The following MAP3K6 variants were observed in gnomAD, a reference collection of about 807,000 sequenced individuals.
The protein encoded by MAP3K6 is apoptosis signal-regulating kinase 2.
In MAP3K6, 105 loss-of-function variants were observed where a neutral mutation model predicts 147.1. That is an observed-to-expected ratio of 0.71 (90% CI 0.61 to 0.84). The LOEUF (loss-of-function observed/expected upper bound fraction) is 0.84, where lower values mean the gene tolerates loss of function less well. Among genes scored for constraint, MAP3K6 ranks in the 40% least tolerant of loss-of-function variants. MAP3K6 has a pLI of 0.00. For missense variants in MAP3K6, 1,569 were observed against 1,715.0 expected, an observed-to-expected ratio of 0.91 and a Z score of 1.50; for synonymous variants, 695 against 732.4, an observed-to-expected ratio of 0.95 and a Z score of 0.82.
rs547643868 is a variant in MAP3K6 at position 27,359,051 on chromosome 1, C to T, written c.2426-185G>A. On this transcript the variant is annotated intron_variant, in intron 18 of 28. Transcript: ENST00000357582. This position sits in a 1 kb window ranked among gnomAD's most constrained non-coding sequence, Gnocchi z 4.4. ...GTTCCATCACCACCCTGGGCTCCAT[C>T]GCCTGCCAAGGCTTCCGTCATTCAT... 6.6e-6 allele frequency among the ~76,000 whole-genome samples: 1 copy of T among 152,264 alleles called. No individual in the cohort carries two copies. Among genetic ancestry groups the T allele is most frequent in the South Asian group, 2.1e-4 (1 of 4,824 alleles).
rs375818151 is a variant in MAP3K6 at position 27,357,704 on chromosome 1, C to A, written c.3081+7G>T. 2 of 1,609,440 alleles carry A rather than the reference C, an allele frequency of 1.2e-6. No individual in the cohort carries two copies. Among genetic ancestry groups the A allele is most frequent in the Admixed American group, 1.7e-5 (1 of 59,958 alleles). ...ACCACCAGGGGGCGCTAGAGTGGGC[C>A]GCCCACCTGCTCTTGCTTCTGCTCC... On this transcript the variant is annotated splice_region_variant and intron_variant, in intron 22 of 28. Transcript: ENST00000357582.
At position 27,360,253 on chromosome 1, in the gene MAP3K6, C is replaced by G; in HGVS notation, c.2170G>C (p.Glu724Gln). 6.2e-7 allele frequency: 1 copy of G among 1,614,102 alleles called. No individual in the cohort carries two copies. Among genetic ancestry groups the G allele is most frequent in the Non-Finnish European group, 8.5e-7 (1 of 1,179,988 alleles). ...ACAGGGCAGGTACCTCCAGGCACTTCCTCCATGAAGATCTTAAGGTAGCCG... is the reference window on the plus strand; with the variant it reads ...ACAGGGCAGGTACCTCCAGGCACTTGCTCCATGAAGATCTTAAGGTAGCCG... Reference protein sequence around the residue: ...QGGYLKIFMEEVPGGSLSSLL... With the variant: ...QGGYLKIFMEQVPGGSLSSLL... Residue 724 changes from glutamate to glutamine, a missense_variant, in exon 16 of 29, where the codon GAA becomes CAA. Glu to Gln is a conservative substitution (Grantham distance 29, BLOSUM62 2). Coordinates refer to ENST00000357582, the MANE Select transcript of MAP3K6 (RefSeq NM_004672.5). The surrounding 1 kb of genome is among the most constrained non-coding windows in gnomAD (Gnocchi z 4.5).
intron 5 of MAP3K6, 36 bp downstream of exon 5, chr1:27,363,881 G>T: frequency 6.6e-7 from 1 of 1,511,472 alleles, no homozygotes; most frequent in South Asian, 1.3e-5. Context: ...GACCTCAAAT[G>T]CCAGCTGCCC....
At chr1:27,365,639 A>G (rs1390593796) in intron 1 of MAP3K6, among the ~76,000 whole-genome samples, 1 of 104,152 alleles carries the variant, frequency 9.6e-6, no homozygotes, top group Non-Finnish European at 2.0e-5. Flanking sequence ...TTTCCCGCCC[A>G]CTTCCCCGCC....
Position 27,362,943 on chromosome 1 carries a change from G to T in MAP3K6, c.1050C>A (p.Pro350=), listed in dbSNP as rs143105495. 6.6e-4 allele frequency: 1,067 copies of T among 1,613,950 alleles called. No homozygotes were observed. The highest frequency in any genetic ancestry group is 8.5e-4 in the Non-Finnish European group (1,000 of 1,180,000). The part of the protein sequence containing the change: ...PLVQLEGSVA[P]DLYCMCGRIY... ...TACGGCCACACATGCAGTACAGATC[G>T]GGCGCCACAGAGCCCTCAAGCTGTA... Residue 350 remains proline, a synonymous_variant, in exon 7 of 29, where the codon CCC becomes CCA. Transcript: ENST00000357582.
intron 23 of MAP3K6, 93 bp from the exon 24 acceptor site, chr1:27,357,207 C>A (rs2015560636): frequency 1.5e-6 from 2 of 1,309,860 alleles, no homozygotes; most frequent in South Asian, 1.3e-5. Flanking sequence ...CGGCGGGAGG[C>A]GAGTGGGGTG....
chr1:27,356,823 G>A (rs773996945), intron 24 of MAP3K6, 74 bp from the exon 25 acceptor site: 3 of 1,506,104 alleles, frequency 2.0e-6, no homozygotes, highest in Non-Finnish European at 1.8e-6. Flanking sequence ...AAGTGCGGGG[G>A]TAGGGTGCCC....
rs2015766748 is a variant in MAP3K6 at position 27,361,452 on chromosome 1, G to A, written c.1687-57C>T. ...GCTGGTGACAGGAGAGGGGTCTGAG[G>A]ATGGGAGAAAGGCTCCACAGAAAAG... On this transcript the variant is annotated intron_variant, in intron 11 of 28. Transcript: ENST00000357582. 3.7e-6 allele frequency: 6 copies of A among 1,611,356 alleles called. No individual in the cohort carries two copies. In the East Asian group the frequency reaches 6.7e-5, roughly 18 times the overall value.
intron 22 of MAP3K6, 63 bp from the exon 23 acceptor site, chr1:27,357,639 T>A: frequency 6.3e-7 from 1 of 1,586,556 alleles, no homozygotes; most frequent in Non-Finnish European, 8.6e-7. Context: ...GCCGCGGAGG[T>A]AGGGGGCGGG....
chr1:27,357,669 A>G (rs1023239033), intron 22 of MAP3K6, 42 bp downstream of exon 22: 2 of 1,602,486 alleles, frequency 1.2e-6, no homozygotes, highest in Middle Eastern at 1.7e-4. Flanking sequence ...AGGTGTCCTG[A>G]CCCTTTGCGA....
Position 27,360,616 on chromosome 1 carries a change from G to A in MAP3K6, c.2054+89C>T, listed in dbSNP as rs1320484914. On this transcript the variant is annotated intron_variant, in intron 15 of 28. Transcript: ENST00000357582. The surrounding 1 kb of genome is among the most constrained non-coding windows in gnomAD (Gnocchi z 4.5). ...CAGGTCCTACGAGCCCGCCCACTAGGCCCCGCCCACAGGAGCCGCTCCGCT... is the reference window on the plus strand; with the variant it reads ...CAGGTCCTACGAGCCCGCCCACTAGACCCCGCCCACAGGAGCCGCTCCGCT... 1.3e-6 allele frequency: 2 copies of A among 1,498,348 alleles called. No individual in the cohort carries two copies. The highest frequency in any genetic ancestry group is 1.8e-6 in the Non-Finnish European group (2 of 1,125,676). 92.8% of individuals were successfully genotyped at this position (1,498,348 alleles called of 1,614,324 possible). A position where few individuals can be genotyped will look rare whatever the true frequency, so the allele number is the denominator to read the frequency against.
chr1:27,366,706 G>GA lies in MAP3K6; in HGVS notation c.-110dup. 1 of 835,448 alleles carries GA rather than the reference G, an allele frequency of 1.2e-6. No homozygotes were observed. The highest frequency in any genetic ancestry group is 1.4e-6 in the Non-Finnish European group (1 of 689,958). 51.8% of individuals were successfully genotyped at this position (835,448 alleles called of 1,614,324 possible). On this transcript the variant is annotated 5_prime_UTR_variant, in exon 1 of 29. Coordinates refer to ENST00000357582, the MANE Select transcript of MAP3K6 (RefSeq NM_004672.5). This position sits in a 1 kb window ranked among gnomAD's most constrained non-coding sequence, Gnocchi z 5.5. ...GATCTGGAATCCGTTCGGAATCGGA[G>GA]AATCTCCCACGGGATCTAGGGATCC...
intron 1 of MAP3K6, 98 bp from the exon 2 acceptor site, chr1:27,365,010 C>A: frequency 3.0e-6 from 4 of 1,320,420 alleles, no homozygotes; most frequent in Non-Finnish European, 4.1e-6. Flanking sequence ...CTGTGGGACT[C>A]CAGTAGGGTC....
chr1:27,361,441 A>G, intron 11 of MAP3K6, 46 bp from the exon 12 acceptor site: 1 of 1,611,538 alleles, frequency 6.2e-7, no homozygotes, highest in Non-Finnish European at 8.5e-7. Context: ...GTGACAGGAG[A>G]GGGGTCTGAG....
At chr1:27,357,625 C>T (rs777379458) in intron 22 of MAP3K6, 49 bp from the exon 23 acceptor site, 1 of 1,589,820 alleles carries the variant, frequency 6.3e-7, no homozygotes, top group South Asian at 1.1e-5. Context: ...CCAAAAGAGA[C>T]GCTGCCGCGG....
chr1:27,357,408 G>T lies in MAP3K6; in HGVS notation c.3250C>A (p.Pro1084Thr), dbSNP rs753079278. 1.3e-6 allele frequency: 2 copies of T among 1,590,314 alleles called. No individual in the cohort carries two copies. The highest frequency in any genetic ancestry group is 1.1e-5 in the South Asian group (1 of 89,782). The change falls in exon 23 of 29, where the codon CCG becomes ACG. Residue 1084 changes from proline to threonine, a missense_variant. By Grantham distance (38) the Pro-to-Thr change is conservative. Coordinates refer to ENST00000357582, the MANE Select transcript of MAP3K6 (RefSeq NM_004672.5). ...ALLHRPLFAF[P>T]DAVKQILRKR... ...CCAGAAGGCGCCCTCACCGCATCCG[G>T]GAAGGCAAACAGCGGTCTGTGCAGA...
Position 27,362,148 on chromosome 1 carries a change from T to C in MAP3K6, c.1358A>G (p.Asp453Gly), listed in dbSNP as rs553114323. 53 of 1,613,552 alleles carry C rather than the reference T, an allele frequency of 3.3e-5. No individual in the cohort carries two copies. In the South Asian group the frequency reaches 4.4e-4, roughly 13 times the overall value. ...FYLGAQILAN[D>G]PTQVVLAAEQ... is the part of the protein sequence containing the mutation. Reference sequence around the variant, plus strand: ...TGCAGCCAGCACCACCTGGGTGGGGTCATTGGCGAGGATCTGGGCTCCCAG... The same window carrying C: ...TGCAGCCAGCACCACCTGGGTGGGGCCATTGGCGAGGATCTGGGCTCCCAG... The change falls in exon 9 of 29, where the codon GAC becomes GGC. Residue 453 changes from aspartate to glycine, a missense_variant. Asp to Gly is a moderately conservative substitution (Grantham distance 94). Coordinates refer to ENST00000357582, the MANE Select transcript of MAP3K6 (RefSeq NM_004672.5).
At position 27,366,329 on chromosome 1, in the gene MAP3K6, T is replaced by G; in HGVS notation, c.269A>C (p.Gln90Pro). 7.7e-7 allele frequency: 1 copy of G among 1,298,706 alleles called. No homozygotes were observed. Among genetic ancestry groups the G allele is most frequent in the Non-Finnish European group, 9.8e-7 (1 of 1,025,022 alleles). The allele number at this position is 1,298,706 out of a possible 1,614,324, so 80.4% of individuals were successfully genotyped here. ...CGTCCCGAAGGGCAGGCTGCGCAGC[T>G]GCGGGGGCGGCCGCGGCCGGGGGAC... ...AQVPRPRPPPQLRSLPFGTLE... is the reference protein window; with the variant it reads ...AQVPRPRPPPPLRSLPFGTLE... The change falls in exon 1 of 29, where the codon CAG becomes CCG. Residue 90 changes from glutamine (Q) to proline (P), a missense_variant. Physicochemically the swap from Gln to Pro is moderately conservative, Grantham distance 76 (BLOSUM62 -1). Coordinates refer to ENST00000357582, the MANE Select transcript of MAP3K6 (RefSeq NM_004672.5). The surrounding 1 kb of genome is among the most constrained non-coding windows in gnomAD (Gnocchi z 5.5).
In MAP3K6 at chr1:27,357,561, T is replaced by C. The variant is rs769707105; in HGVS notation, c.3097A>G (p.Arg1033Gly). 9 of 1,608,872 alleles carry C rather than the reference T, an allele frequency of 5.6e-6. No homozygotes were observed. The Admixed American group carries it at 1.5e-4, about 27-fold the overall frequency. ...CGCAGCAGCTCTTCCACATGGTTTC[T>C]GCCCAGACGGGCCCCCTGAGAAGGA... ...QKQEQGARLG[R>G]NHVEELLRCL... The change falls in exon 23 of 29, where the codon AGA becomes GGA. Residue 1033 changes from arginine to glycine, a missense_variant. Coordinates refer to ENST00000357582, the MANE Select transcript of MAP3K6 (RefSeq NM_004672.5).
Sources: allele counts gnomAD v4.1 joint callset (sites outside exome capture counted in the v4.1 genomes callset), GRCh38; gene constraint gnomAD v4.1.1; non-coding constraint Gnocchi (gnomAD v3.1); transcripts MANE v1.5; gene names NCBI Gene and HGNC (gene_info 2026-07-23, HGNC 2026-07-21).